Variants in CNTNAP4 observed in about 807,000 individuals in gnomAD.
CNTNAP4 encodes contactin associated protein family member 4.
Under a neutral mutation model 148.4 loss-of-function variants are expected in CNTNAP4, and 98 were observed. That is an observed-to-expected ratio of 0.66 (90% confidence interval 0.56 to 0.78). The LOEUF is 0.78. Ranked by LOEUF, CNTNAP4 falls within the 30% of genes least tolerant of loss-of-function variation. The pLI is 0.00. For synonymous variants in CNTNAP4, 730 were observed against 565.1 expected, an observed-to-expected ratio of 1.29 and a Z score of -4.14; for missense variants, 1,935 against 1,565.6, an observed-to-expected ratio of 1.24 and a Z score of -3.98.
chr16:76,474,869 C>T (rs74025016), intron 10 of CNTNAP4, among the ~76,000 whole-genome samples: 2 of 151,984 alleles, frequency 1.3e-5, no homozygotes, highest in East Asian at 1.9e-4. Flanking sequence ...AATGCCATAA[C>T]AACTTAGGAG....
intron 1 of CNTNAP4, among the ~76,000 whole-genome samples, chr16:76,297,438 C>G (rs2143892542): frequency 6.6e-6 from 1 of 151,488 alleles, no homozygotes; most frequent in East Asian, 1.9e-4. Context: ...ATGTTGCAGC[C>G]CTAAAGAATT....
chr16:76,369,165 T>G (rs13330938), intron 3 of CNTNAP4, among the ~76,000 whole-genome samples: 1 of 152,056 alleles, frequency 6.6e-6, no homozygotes, highest in African/African-American at 2.4e-5. Flanking sequence ...TCCTAAAAGA[T>G]TGGAATGAAA....
Position 76,429,069 on chromosome 16 carries a change from G to T in CNTNAP4, c.538+1470G>T, listed in dbSNP as rs1271143556. ...GTTGTTGAATAACAGAGATGAGTCA[G>T]TGGCCAACTAACCTCTCACTATCTG... On this transcript the variant is annotated intron_variant, in intron 4 of 23. Coordinates refer to ENST00000611870, the MANE Select transcript of CNTNAP4 (RefSeq NM_033401.5). 7.2e-5 allele frequency among the ~76,000 whole-genome samples: 11 copies of T among 152,150 alleles called. No homozygotes were observed. In the East Asian group the frequency reaches 2.1e-3, roughly 29 times the overall value.
intron 9 of CNTNAP4, among the ~76,000 whole-genome samples, chr16:76,465,274 G>A (rs2081135227): frequency 6.6e-6 from 1 of 152,214 alleles, no homozygotes; most frequent in African/African-American, 2.4e-5. Context: ...TCAGTGCTGA[G>A]CTTCTCTCTG....
chr16:76,340,541 A>G (rs13339408), intron 2 of CNTNAP4, among the ~76,000 whole-genome samples: 33,663 of 151,916 alleles, frequency 0.22, 4,288 homozygotes, highest in East Asian at 0.5. Context: ...TGCGCTCCCA[A>G]TGCCTACTAT....
chr16:76,462,000 G>T lies in CNTNAP4; in HGVS notation c.1378G>T (p.Ala460Ser), dbSNP rs750976969. The change falls in exon 9 of 24, where the codon GCT becomes TCT. Residue 460 changes from alanine (A) to serine (S), a missense_variant. Ala to Ser is a moderately conservative substitution (Grantham distance 99). Transcript: ENST00000611870. The stretch of plus-strand genomic sequence containing the variant: ...GCAGTGGCATTCTGTCTCTTTATCT[G>T]CTAAAAAGAATCACTTGAGTGTGGC... ...DGQWHSVSLS[A>S]KKNHLSVAVD... 2 of 1,613,732 alleles carry T rather than the reference G, an allele frequency of 1.2e-6. No homozygotes were observed. Among genetic ancestry groups the T allele is most frequent in the African/African-American group, 1.3e-5 (1 of 75,034 alleles).
chr16:76,559,958 G>C lies in CNTNAP4; in HGVS notation c.*1275G>C, dbSNP rs2085353089. ...CAGACACTTCTCGTCTGAAACGATG[G>C]GGTGAATTTCTCAAAAATTACCAAG... On this transcript the variant is annotated 3_prime_UTR_variant, in exon 24 of 24. Coordinates refer to ENST00000611870, the MANE Select transcript of CNTNAP4 (RefSeq NM_033401.5). 6.6e-6 allele frequency among the ~76,000 whole-genome samples: 1 copy of C among 152,110 alleles called. No individual in the cohort carries two copies. Among genetic ancestry groups the C allele is most frequent in the South Asian group, 2.1e-4 (1 of 4,834 alleles).
intron 1 of CNTNAP4, among the ~76,000 whole-genome samples, chr16:76,278,247 A>T (rs1230567623): frequency 2.0e-5 from 3 of 152,220 alleles, no homozygotes; most frequent in Non-Finnish European, 2.9e-5. Context: ...AATGTACTGC[A>T]GGCTTCAGGA....
intron 3 of CNTNAP4, among the ~76,000 whole-genome samples, chr16:76,415,020 C>T (rs1029834959): frequency 2.7e-5 from 4 of 150,718 alleles, no homozygotes; most frequent in Non-Finnish European, 4.5e-5. Flanking sequence ...AATAATACCT[C>T]TTGTAGAAAG....
At chr16:76,429,066 T>A (rs1277290395) in intron 4 of CNTNAP4, among the ~76,000 whole-genome samples, 1 of 152,088 alleles carries the variant, frequency 6.6e-6, no homozygotes, top group Non-Finnish European at 1.5e-5. Context: ...CAGAGATGAG[T>A]CAGTGGCCAA....
intron 10 of CNTNAP4, among the ~76,000 whole-genome samples, chr16:76,473,233 G>A (rs2081435651): frequency 6.6e-6 from 1 of 151,824 alleles, no homozygotes. Context: ...ATTAATTTTT[G>A]GTTTCTTAAA....
chr16:76,281,837 A>G (rs1173138864), intron 1 of CNTNAP4, among the ~76,000 whole-genome samples: 1 of 151,922 alleles, frequency 6.6e-6, no homozygotes, highest in African/African-American at 2.4e-5. Context: ...CTTCATGGTA[A>G]AAAATAATTA....
chr16:76,333,787 T>G (rs1387840996), intron 2 of CNTNAP4, among the ~76,000 whole-genome samples: 1 of 147,250 alleles, frequency 6.8e-6, no homozygotes, highest in Non-Finnish European at 1.5e-5. Flanking sequence ...AGGTTTTTTT[T>G]TTTTTTTTTT....
chr16:76,334,215 C>A (rs191594920), intron 2 of CNTNAP4, among the ~76,000 whole-genome samples: 10 of 151,700 alleles, frequency 6.6e-5, no homozygotes, highest in Admixed American at 6.6e-4. Context: ...ACAGCCTATT[C>A]TTTGTCATGT....
chr16:76,315,457 T>C (rs920729339), intron 1 of CNTNAP4, among the ~76,000 whole-genome samples: 5 of 152,320 alleles, frequency 3.3e-5, no homozygotes, highest in Non-Finnish European at 5.9e-5. Flanking sequence ...AAGTTTATAC[T>C]CCCACGAGCA....
chr16:76,294,189 C>T (rs1286401457), intron 1 of CNTNAP4, among the ~76,000 whole-genome samples: 2 of 152,086 alleles, frequency 1.3e-5, no homozygotes, highest in African/African-American at 2.4e-5. Context: ...GTGTCGCAAT[C>T]CCTGCTATTC....
At chr16:76,467,567 G>C in intron 10 of CNTNAP4, 44 bp downstream of exon 10, 1 of 1,492,208 alleles carries the variant, frequency 6.7e-7, no homozygotes, top group Non-Finnish European at 9.0e-7. Flanking sequence ...TCAAACTTTG[G>C]CATCAGATTA....
chr16:76,427,330 ATAGAAGG>A lies in CNTNAP4; in HGVS notation c.391-118_391-112del, dbSNP rs1180328521. 351 of 673,912 alleles carry A rather than the reference ATAGAAGG, an allele frequency of 5.2e-4. 2 individuals are homozygous for A. The highest frequency in any genetic ancestry group is 1.1e-4 in the Non-Finnish European group (46 of 428,722). The allele number at this position is 673,912 out of a possible 1,614,324, so 41.7% of individuals were successfully genotyped here. The stretch of plus-strand genomic sequence containing the variant: ...ACATAACTGTTAATGTGATTTTCTT[ATAGAAGG>A]TAGCACCATTCATAGTAAAATGCAG... On this transcript the variant is annotated intron_variant, in intron 3 of 23. Transcript: ENST00000611870.
At chr16:76,441,749 T>G (rs1347151482) in intron 4 of CNTNAP4, among the ~76,000 whole-genome samples, 3 of 152,186 alleles carry the variant, frequency 2.0e-5, no homozygotes, top group Non-Finnish European at 4.4e-5. Flanking sequence ...CAAATGTACT[T>G]ATTAAACTAT....
Sources: allele counts gnomAD v4.1 joint callset (sites outside exome capture counted in the v4.1 genomes callset), GRCh38; gene constraint gnomAD v4.1.1; transcripts MANE v1.5; gene names NCBI Gene and HGNC (gene_info 2026-07-23, HGNC 2026-07-21).